ZCCHC7: variants seen among roughly 807,000 people sequenced by gnomAD.
ZCCHC7 encodes the protein zinc finger CCHC-type containing 7.
Under a neutral mutation model 52.0 loss-of-function variants are expected in ZCCHC7, and 35 were observed. The observed-to-expected ratio is 0.67, with a 90% CI of 0.51 to 0.89. The LOEUF (loss-of-function observed/expected upper bound fraction) is 0.89, where lower values mean the gene tolerates loss of function less well. Ranked by LOEUF, ZCCHC7 falls within the 40% of genes least tolerant of loss-of-function variation. The pLI is 0.00. For missense variants in ZCCHC7, 574 were observed against 649.1 expected, an observed-to-expected ratio of 0.88 and a Z score of 1.26; for synonymous variants, 217 against 221.5, an observed-to-expected ratio of 0.98 and a Z score of 0.18.
intron 6 of ZCCHC7, among the ~76,000 whole-genome samples, chr9:37,330,899 G>C (rs543780): frequency 0.011 from 1,700 of 151,636 alleles, 33 homozygotes; most frequent in African/African-American, 0.037. Context: ...AACTAGTAGA[G>C]GCTATGATTT....
At chr9:37,208,512 T>C (rs1824042678) in intron 2 of ZCCHC7, among the ~76,000 whole-genome samples, 1 of 152,198 alleles carries the variant, frequency 6.6e-6, no homozygotes, top group East Asian at 1.9e-4. Context: ...AATGGCAGTG[T>C]TGAATGAGGT....
chr9:37,187,937 C>T lies in ZCCHC7; in HGVS notation c.610+60995C>T, dbSNP rs1022351440. The stretch of plus-strand genomic sequence containing the variant: ...ACTTCCTTTTGTCCTCTGTGGTTTC[C>T]GATGACAAATTCTCAGTTATTCTAA... On this transcript the variant is annotated intron_variant, in intron 2 of 8. Transcript: ENST00000336755. Among the ~76,000 whole-genome samples the T allele has an allele frequency of 2.0e-5, 3 of 152,022 alleles. No individual in the cohort carries two copies. The East Asian group carries it at 5.8e-4, about 29-fold the overall frequency.
At chr9:37,290,896 G>C (rs1321864501) in intron 2 of ZCCHC7, among the ~76,000 whole-genome samples, 1 of 151,964 alleles carries the variant, frequency 6.6e-6, no homozygotes. Flanking sequence ...ATTATTTCCA[G>C]TTGTACTGAA....
chr9:37,354,766 C>T lies in ZCCHC7; in HGVS notation c.1140C>T (p.Tyr380=). ...DPSPVSPFIC[Y]YDDKYEIQER... ...CTCCAGTATCTCCATTCATCTGCTA[C>T]TATGATGACAAATATGAAATTCAGG... is the stretch of plus-strand genomic sequence containing the variant. The change falls in exon 8 of 9, where the codon TAC becomes TAT. Residue 380 remains tyrosine, a synonymous_variant. Transcript: ENST00000336755. The surrounding 1 kb of genome is among the most constrained non-coding windows in gnomAD (Gnocchi z 4.0). 2 of 1,613,354 alleles carry T rather than the reference C, an allele frequency of 1.2e-6. No individual in the cohort carries two copies. The highest frequency in any genetic ancestry group is 1.7e-6 in the Non-Finnish European group (2 of 1,179,518).
chr9:37,307,474 G>T (rs1829381454), intron 5 of ZCCHC7, among the ~76,000 whole-genome samples: 1 of 152,036 alleles, frequency 6.6e-6, no homozygotes, highest in Non-Finnish European at 1.5e-5. Flanking sequence ...GATTTAAGGG[G>T]TATTTATGAA....
At chr9:37,355,130 C>G (rs1010754565) in intron 8 of ZCCHC7, among the ~76,000 whole-genome samples, 1 of 152,090 alleles carries the variant, frequency 6.6e-6, no homozygotes, top group Admixed American at 6.6e-5. Context: ...TTCTGTTTGA[C>G]AGGTAATTAT....
At chr9:37,305,748 T>G in intron 5 of ZCCHC7, 34 bp downstream of exon 5, 2 of 1,607,210 alleles carry the variant, frequency 1.2e-6, no homozygotes, top group Non-Finnish European at 1.7e-6. Context: ...TTTGTCAGGC[T>G]TTGGAGGGAG....
At chr9:37,288,878 C>T (rs1372826396) in intron 2 of ZCCHC7, among the ~76,000 whole-genome samples, 2 of 152,198 alleles carry the variant, frequency 1.3e-5, no homozygotes, top group African/African-American at 4.8e-5. Flanking sequence ...CTCACCCAGT[C>T]CTGTTCTAAA....
chr9:37,222,647 A>T (rs1342743193), intron 2 of ZCCHC7, among the ~76,000 whole-genome samples: 1 of 152,118 alleles, frequency 6.6e-6, no homozygotes, highest in African/African-American at 2.4e-5. Flanking sequence ...TACCAATATG[A>T]CAAGAATGTT....
At chr9:37,131,197 G>A (rs528755620) in intron 2 of ZCCHC7, among the ~76,000 whole-genome samples, 48 of 151,628 alleles carry the variant, frequency 3.2e-4, no homozygotes, top group African/African-American at 2.4e-4. Flanking sequence ...AAAATTAGCC[G>A]GGTGTGGTGG....
At chr9:37,135,619 T>C (rs1842966260) in intron 2 of ZCCHC7, among the ~76,000 whole-genome samples, 1 of 152,196 alleles carries the variant, frequency 6.6e-6, no homozygotes, top group African/African-American at 2.4e-5. Context: ...ACCTAACAAA[T>C]TGTAGGTAAA....
At chr9:37,272,588 A>G (rs1827479415) in intron 2 of ZCCHC7, among the ~76,000 whole-genome samples, 1 of 151,240 alleles carries the variant, frequency 6.6e-6, no homozygotes. Context: ...CCCCTCTTTC[A>G]TATATATGTG....
intron 2 of ZCCHC7, among the ~76,000 whole-genome samples, chr9:37,291,783 T>G (rs992916066): frequency 1.3e-5 from 2 of 152,164 alleles, no homozygotes; most frequent in Non-Finnish European, 2.9e-5. Flanking sequence ...AACCTTCACC[T>G]CCTGGGTTCC....
chr9:37,279,404 G>C (rs1827839970), intron 2 of ZCCHC7, among the ~76,000 whole-genome samples: 1 of 150,992 alleles, frequency 6.6e-6, no homozygotes, highest in East Asian at 1.9e-4. Flanking sequence ...TCTTAGAACA[G>C]ACACTTAAAA....
At chr9:37,292,419 C>T (rs942487899) in intron 2 of ZCCHC7, among the ~76,000 whole-genome samples, 2 of 152,012 alleles carry the variant, frequency 1.3e-5, no homozygotes, top group African/African-American at 4.8e-5. Context: ...AACAACTAAA[C>T]TGCTATTAAA....
intron 2 of ZCCHC7, among the ~76,000 whole-genome samples, chr9:37,278,032 G>GTTT (rs1371963769): frequency 4.8e-4 from 32 of 66,356 alleles, no homozygotes; most frequent in South Asian, 1.5e-3. Flanking sequence ...GTGTGTGTGT[G>GTTT]TGTGTTTTGT....
chr9:37,352,535 T>TTTTTTTTTTTTA (rs1721686493), intron 7 of ZCCHC7, among the ~76,000 whole-genome samples: 1 of 143,432 alleles, frequency 7.0e-6, no homozygotes, highest in African/African-American at 2.8e-5. Context: ...TTTTTTTTTT[T>TTTTTTTTTTTTA]GAGACAGAGT....
intron 3 of ZCCHC7, 29 bp from the exon 4 acceptor site, chr9:37,304,155 ATTTT>A (rs1223536912): frequency 1.3e-6 from 2 of 1,572,642 alleles, no homozygotes. Context: ...CAGTGAAACA[ATTTT>A]TTTAATTCTT....
intron 2 of ZCCHC7, among the ~76,000 whole-genome samples, chr9:37,150,935 T>G (rs1376391677): frequency 6.6e-6 from 1 of 151,718 alleles, no homozygotes; most frequent in Non-Finnish European, 1.5e-5. Context: ...TTTATAGAGA[T>G]ATAACTTTTC....
Sources: gnomAD v4.1 joint callset for allele counts (sites outside exome capture counted in the v4.1 genomes callset) on GRCh38, gnomAD v4.1.1 for gene constraint, Gnocchi (gnomAD v3.1) non-coding constraint, MANE v1.5 for transcripts, NCBI Gene and HGNC (gene_info 2026-07-23, HGNC 2026-07-21) for gene names.